The following DACH2 variants were observed in gnomAD, a reference collection of about 807,000 sequenced individuals.
DACH2 encodes dachshund family transcription factor 2, also known as dachshund homolog 2.
Under a neutral mutation model 35.8 loss-of-function variants are expected in DACH2, and 17 were observed. That is an observed-to-expected ratio of 0.48 (90% CI 0.33 to 0.71). The LOEUF is 0.71. Ranked by LOEUF, DACH2 falls within the 30% of genes least tolerant of loss-of-function variation. DACH2 has a pLI of 0.02. For missense variants in DACH2, 469 were observed against 472.7 expected, an observed-to-expected ratio of 0.99 and a Z score of 0.07; for synonymous variants, 195 against 177.3, an observed-to-expected ratio of 1.10 and a Z score of -0.79.
chrX:86,662,293 G>A (rs139146397), intron 4 of DACH2, among the ~76,000 whole-genome samples: 1 of 111,280 alleles, frequency 9.0e-6, no homozygotes, highest in Non-Finnish European at 1.9e-5. Flanking sequence ...TGGGACAAAG[G>A]CATGTCTATT....
At chrX:86,183,325 G>A (rs2031561119) in intron 1 of DACH2, among the ~76,000 whole-genome samples, 1 of 111,837 alleles carries the variant, frequency 8.9e-6, no homozygotes, top group South Asian at 3.8e-4. Context: ...GTCATAAATA[G>A]CTCTTATTAT....
chrX:86,243,120 C>T (rs1376192291), intron 1 of DACH2, among the ~76,000 whole-genome samples: 2 of 111,355 alleles, frequency 1.8e-5, no homozygotes, highest in Admixed American at 1.9e-4. Flanking sequence ...TTCATTCTTT[C>T]CCACATAGTT....
At chrX:86,149,300 A>G (rs1033286956) in intron 1 of DACH2, among the ~76,000 whole-genome samples, 192 bp downstream of exon 1, 6 of 112,090 alleles carry the variant, frequency 5.4e-5, no homozygotes, top group Middle Eastern at 4.6e-3. Context: ...GTCCACGCTC[A>G]GTGCAAGGGC....
At chrX:86,330,457 C>T (rs1030401571) in intron 1 of DACH2, among the ~76,000 whole-genome samples, 33 of 111,687 alleles carry the variant, frequency 3.0e-4, no homozygotes, top group African/African-American at 1.1e-3. Context: ...TGAAATCTTA[C>T]TGCCTCAGAA....
At chrX:86,400,423 G>A (rs2036402436) in intron 2 of DACH2, among the ~76,000 whole-genome samples, 1 of 111,704 alleles carries the variant, frequency 9.0e-6, no homozygotes, top group Non-Finnish European at 1.9e-5. Context: ...TGCTAGTGAG[G>A]AGCTGCGTTC....
intron 5 of DACH2, among the ~76,000 whole-genome samples, chrX:86,707,686 G>T (rs974980647): frequency 2.7e-5 from 3 of 109,760 alleles, no homozygotes; most frequent in African/African-American, 1.0e-4. Flanking sequence ...AGAGGCTGAG[G>T]CCGGTGGATC....
chrX:86,568,008 T>C (rs1348476862), intron 3 of DACH2, among the ~76,000 whole-genome samples: 1 of 111,269 alleles, frequency 9.0e-6, no homozygotes, highest in African/African-American at 3.3e-5. Flanking sequence ...TGAAAAGACA[T>C]GGGAGTAGCT....
At chrX:86,506,048 A>G (rs1360254481) in intron 2 of DACH2, among the ~76,000 whole-genome samples, 1 of 111,890 alleles carries the variant, frequency 8.9e-6, no homozygotes, top group Non-Finnish European at 1.9e-5. Context: ...TGTGATGGAC[A>G]GCAACTGAAA....
intron 2 of DACH2, among the ~76,000 whole-genome samples, chrX:86,413,957 G>A (rs375797705): frequency 9.0e-6 from 1 of 111,565 alleles, no homozygotes; most frequent in Non-Finnish European, 1.9e-5. Flanking sequence ...TCAGCTCAAA[G>A]CCAGTGTCCA....
At chrX:86,429,441 C>T (rs1440109434) in intron 2 of DACH2, among the ~76,000 whole-genome samples, 3 of 111,518 alleles carry the variant, frequency 2.7e-5, no homozygotes, top group East Asian at 5.6e-4. Context: ...AAATGTAACC[C>T]GCAGGTGTTT....
At chrX:86,829,504 A>G (rs936987912) in intron 11 of DACH2, 1 of 112,103 alleles carries the variant, frequency 8.9e-6, no homozygotes, top group African/African-American at 3.2e-5. Flanking sequence ...GCCTTTTCCC[A>G]TATATCTGCC....
chrX:86,553,444 C>T (rs989936332), intron 3 of DACH2, among the ~76,000 whole-genome samples: 1 of 111,548 alleles, frequency 9.0e-6, no homozygotes, highest in Non-Finnish European at 1.9e-5. Flanking sequence ...TGTTAATCTC[C>T]TTTGGCAACA....
At position 86,148,602 on chromosome X, in the gene DACH2, C is replaced by G; in HGVS notation, c.-19C>G. ...GAGAAAGCGAGGGCCGGAGGACCCA[C>G]GATAGAGACAGAGTGACCATGGCTG... On this transcript the variant is annotated 5_prime_UTR_variant, in exon 1 of 12. Coordinates refer to ENST00000373125, the MANE Select transcript of DACH2 (RefSeq NM_053281.3). 8.7e-7 allele frequency: 1 copy of G among 1,145,042 alleles called. No individual in the cohort carries two copies. The highest frequency in any genetic ancestry group is 1.2e-6 in the Non-Finnish European group (1 of 862,507). The allele number at this position is 1,145,042 out of a possible 1,213,427, so 94.4% of individuals were successfully genotyped here. A position where few individuals can be genotyped will look rare whatever the true frequency, so the allele number is the denominator to read the frequency against.
chrX:86,761,430 T>C (rs1040727430), intron 7 of DACH2, among the ~76,000 whole-genome samples: 1 of 111,910 alleles, frequency 8.9e-6, no homozygotes, highest in Admixed American at 9.5e-5. Context: ...GAAATAGGGA[T>C]GCTTTTACCT....
chrX:86,652,394 G>A (rs1398085908), intron 4 of DACH2, among the ~76,000 whole-genome samples: 1 of 112,196 alleles, frequency 8.9e-6, no homozygotes, highest in Non-Finnish European at 1.9e-5. Context: ...TGTGAATAGT[G>A]CTGCAACGAA....
At position 86,729,911 on chromosome X, in the gene DACH2, T is replaced by C. The variant is rs1302726153; in HGVS notation, c.1105-9836T>C. Among the ~76,000 whole-genome samples the C allele has an allele frequency of 3.6e-5, 4 of 111,307 alleles. No homozygotes were observed. In the East Asian group the frequency reaches 1.2e-3, roughly 32 times the overall value. ...TGCATCCTGCAGAACCATGAGCCAATTACATCTCATTTTTTTTTATAAATT... is the reference window on the plus strand; with the variant it reads ...TGCATCCTGCAGAACCATGAGCCAACTACATCTCATTTTTTTTTATAAATT... On this transcript the variant is annotated intron_variant, in intron 6 of 11. Coordinates refer to ENST00000373125, the MANE Select transcript of DACH2 (RefSeq NM_053281.3).
intron 7 of DACH2, among the ~76,000 whole-genome samples, chrX:86,795,771 G>A (rs1372391264): frequency 9.0e-6 from 1 of 110,706 alleles, no homozygotes; most frequent in Non-Finnish European, 1.9e-5. Context: ...CTTCTGGTGG[G>A]TTCATGGTCT....
chrX:86,797,996 A>G (rs1382401893), intron 7 of DACH2, among the ~76,000 whole-genome samples: 1 of 112,397 alleles, frequency 8.9e-6, no homozygotes, highest in Non-Finnish European at 1.9e-5. Context: ...CAAGCCCTCC[A>G]CTGCCAGCAA....
intron 4 of DACH2, among the ~76,000 whole-genome samples, chrX:86,682,971 G>A (rs1187550614): frequency 3.6e-5 from 4 of 110,785 alleles, no homozygotes; most frequent in African/African-American, 1.3e-4. Flanking sequence ...TTTATTTCAG[G>A]CTCTGCCATG....
Sources: gnomAD v4.1 joint callset for allele counts (sites outside exome capture counted in the v4.1 genomes callset) on GRCh38, gnomAD v4.1.1 for gene constraint, MANE v1.5 for transcripts, NCBI Gene and HGNC (gene_info 2026-07-23, HGNC 2026-07-21) for gene names.